The following PLA2G4C variants were observed in gnomAD, a reference collection of about 807,000 sequenced individuals.
PLA2G4C encodes cytosolic phospholipase A2 gamma.
In PLA2G4C, 64 loss-of-function variants were observed where a neutral mutation model predicts 73.8. That is an observed-to-expected ratio of 0.87 (90% CI 0.71 to 1.07). The LOEUF is 1.07. PLA2G4C is among the 50% of genes least tolerant of loss of function. The pLI, the probability that PLA2G4C is intolerant of heterozygous loss-of-function variation, is 0.00. For missense variants in PLA2G4C, 622 were observed against 665.4 expected, an observed-to-expected ratio of 0.93 and a Z score of 0.72; for synonymous variants, 254 against 252.1, an observed-to-expected ratio of 1.01 and a Z score of -0.07.
chr19:48,066,564 G>A lies in PLA2G4C; in HGVS notation c.1102+1227C>T, dbSNP rs532978918. ...AGGCCACACACAGCCCTGGCCAGGG[G>A]GGCACATTTTGGAATTCACCCCCCT... On this transcript the variant is annotated intron_variant, in intron 13 of 16. Coordinates refer to ENST00000599921, the MANE Select transcript of PLA2G4C (RefSeq NM_003706.3). 2.6e-5 allele frequency among the ~76,000 whole-genome samples: 4 copies of A among 152,146 alleles called. No individual in the cohort carries two copies. The South Asian group carries it at 8.3e-4, about 32-fold the overall frequency.
At chr19:48,087,492 A>G (rs11564561) in intron 9 of PLA2G4C, among the ~76,000 whole-genome samples, 4,180 of 152,242 alleles carry the variant, frequency 0.027, 146 homozygotes, top group African/African-American at 0.084. Context: ...CTCTCTACTC[A>G]GAACACCAAC....
At chr19:48,063,508 T>C (rs1968278198) in intron 13 of PLA2G4C, among the ~76,000 whole-genome samples, 1 of 151,730 alleles carries the variant, frequency 6.6e-6, no homozygotes, top group Admixed American at 6.6e-5. Context: ...CCGAGATTTA[T>C]TTTCCTTTCA....
At chr19:48,105,722 G>C (rs1227449962) in intron 2 of PLA2G4C, among the ~76,000 whole-genome samples, 1 of 151,426 alleles carries the variant, frequency 6.6e-6, no homozygotes, top group Non-Finnish European at 1.5e-5. Context: ...CACTTTGGGA[G>C]GGTGAGGTGG....
rs1005703900 is a variant in PLA2G4C, at chr19:48,097,381, C to A, written c.568+758G>T. Reference sequence around the variant, plus strand: ...CATTCTCCTGCCTCAGCCTCCCGAGCAGCTGGGACTACAGGCGCCCGCCGC... The same window carrying A: ...CATTCTCCTGCCTCAGCCTCCCGAGAAGCTGGGACTACAGGCGCCCGCCGC... On this transcript the variant is annotated intron_variant, in intron 6 of 16. Transcript: ENST00000599921. Among the ~76,000 whole-genome samples, 34 of 149,026 alleles carry A rather than the reference C, an allele frequency of 2.3e-4. 1 individual carries two copies. In the South Asian group the frequency reaches 4.9e-3, roughly 22 times the overall value.
intron 13 of PLA2G4C, among the ~76,000 whole-genome samples, chr19:48,067,466 C>T (rs748981149): frequency 2.6e-5 from 4 of 151,986 alleles, no homozygotes; most frequent in Non-Finnish European, 4.4e-5. Context: ...CTGCGCCCAG[C>T]CCATACAAGT....
intron 10 of PLA2G4C, among the ~76,000 whole-genome samples, chr19:48,082,473 T>G (rs1475109740): frequency 6.7e-6 from 1 of 148,764 alleles, no homozygotes; most frequent in African/African-American, 2.4e-5. Context: ...TGTCTGCTTT[T>G]TTTTCTTTTT....
intron 2 of PLA2G4C, 50 bp from the exon 3 acceptor site, chr19:48,105,494 G>T: frequency 7.1e-7 from 1 of 1,415,112 alleles, no homozygotes; most frequent in Non-Finnish European, 9.9e-7. Context: ...AGGGAAAAGG[G>T]ATAAAACACA....
chr19:48,085,047 C>G lies in PLA2G4C; in HGVS notation c.844+12G>C, dbSNP rs1335197947. ...CTCTAGGCTTTGACCTTTCTGTTCCCCAAATACTCACCAAAAATAAGGTGT... is the reference window on the plus strand; with the variant it reads ...CTCTAGGCTTTGACCTTTCTGTTCCGCAAATACTCACCAAAAATAAGGTGT... On this transcript the variant is annotated intron_variant, in intron 10 of 16. Transcript: ENST00000599921. 2.5e-6 allele frequency: 4 copies of G among 1,596,962 alleles called. No individual in the cohort carries two copies. Among genetic ancestry groups the G allele is most frequent in the Non-Finnish European group, 3.4e-6 (4 of 1,164,580 alleles).
intron 7 of PLA2G4C, among the ~76,000 whole-genome samples, chr19:48,094,360 A>G (rs1036467386): frequency 1.3e-5 from 2 of 152,214 alleles, no homozygotes; most frequent in African/African-American, 4.8e-5. Context: ...TCATTAGGGA[A>G]TGAGCCTTCA....
intron 14 of PLA2G4C, among the ~76,000 whole-genome samples, chr19:48,059,248 G>A (rs144581424): frequency 7.0e-6 from 1 of 143,412 alleles, no homozygotes; most frequent in African/African-American, 2.6e-5. Context: ...TCCAGCCTAT[G>A]TGATAGAGCG....
At position 48,110,576 on chromosome 19, in the gene PLA2G4C, G is replaced by A; in HGVS notation, c.-122C>T. The A allele has an allele frequency of 2.1e-6, 3 of 1,443,456 alleles. No individual in the cohort carries two copies. Among genetic ancestry groups the A allele is most frequent in the East Asian group, 2.8e-5 (1 of 36,008 alleles). The allele number at this position is 1,443,456 out of a possible 1,614,324, so 89.4% of individuals were successfully genotyped here. On this transcript the variant is annotated 5_prime_UTR_variant, in exon 1 of 17. Transcript: ENST00000599921. ...AGGCTTGGGCTCCCTGCGCTTAGCGGTGTAGTCGCTGGACAGCTCCTTCAG... is the reference window on the plus strand; with the variant it reads ...AGGCTTGGGCTCCCTGCGCTTAGCGATGTAGTCGCTGGACAGCTCCTTCAG...
At chr19:48,086,617 C>T (rs1178778235) in intron 9 of PLA2G4C, among the ~76,000 whole-genome samples, 2 of 152,118 alleles carry the variant, frequency 1.3e-5, no homozygotes, top group African/African-American at 2.4e-5. Context: ...GAGTAGCCAC[C>T]CTGGGCAACA....
chr19:48,049,578 G>A lies in PLA2G4C; in HGVS notation c.1581-1190C>T, dbSNP rs376379409. Reference sequence around the variant, plus strand: ...GCAGCCACGGCTGCAGGACCTGGGCGGACTGGATCTAGCAGGCATCCAGGA... The same window carrying A: ...GCAGCCACGGCTGCAGGACCTGGGCAGACTGGATCTAGCAGGCATCCAGGA... On this transcript the variant is annotated intron_variant, in intron 16 of 16. Coordinates refer to ENST00000599921, the MANE Select transcript of PLA2G4C (RefSeq NM_003706.3). Among the ~76,000 whole-genome samples, 138 of 152,240 alleles carry A rather than the reference G, an allele frequency of 9.1e-4. 1 individual carries two copies. Among genetic ancestry groups the A allele is most frequent in the African/African-American group, 1.6e-3 (67 of 41,538 alleles).
intron 13 of PLA2G4C, among the ~76,000 whole-genome samples, chr19:48,063,252 A>C (rs4801742): frequency 0.85 from 129,589 of 151,936 alleles, 55,458 homozygotes; most frequent in African/African-American, 0.93. Context: ...CCATCTTGGC[A>C]AGGCTGGTCT....
At chr19:48,093,651 G>A (rs2031423211) in intron 7 of PLA2G4C, among the ~76,000 whole-genome samples, 1 of 152,162 alleles carries the variant, frequency 6.6e-6, no homozygotes, top group Non-Finnish European at 1.5e-5. Flanking sequence ...TCATTCAGGA[G>A]GCTCCAGCCT....
At chr19:48,099,639 C>T in intron 5 of PLA2G4C, 32 bp downstream of exon 5, 1 of 1,566,838 alleles carries the variant, frequency 6.4e-7, no homozygotes, top group African/African-American at 1.4e-5. Context: ...GCTCCTACCC[C>T]CACCCCAGGT....
chr19:48,101,674 C>CTTTTTTTTTT (rs71181648), intron 4 of PLA2G4C, among the ~76,000 whole-genome samples: 6 of 131,834 alleles, frequency 4.6e-5, no homozygotes, highest in Admixed American at 8.0e-5. Context: ...CCTTTAATAT[C>CTTTTTTTTTT]TTTTTTTTTT....
At chr19:48,057,536 C>T (rs11879353) in intron 14 of PLA2G4C, among the ~76,000 whole-genome samples, 4,383 of 107,246 alleles carry the variant, frequency 0.041, 132 homozygotes, top group Middle Eastern at 0.093. Context: ...GTTGCCCAGG[C>T]TGGAGTGCAG....
intron 16 of PLA2G4C, 60 bp from the exon 17 acceptor site, chr19:48,048,448 GA>G: frequency 8.3e-7 from 1 of 1,201,590 alleles, no homozygotes; most frequent in Non-Finnish European, 1.2e-6. Context: ...TTGCACACTG[GA>G]TAAGATTAGA....
Sources: allele counts gnomAD v4.1 joint callset (sites outside exome capture counted in the v4.1 genomes callset), GRCh38; gene constraint gnomAD v4.1.1; transcripts MANE v1.5; gene names NCBI Gene and HGNC (gene_info 2026-07-23, HGNC 2026-07-21).